PCCA: variants seen among roughly 807,000 people sequenced by gnomAD.
The protein encoded by PCCA is propionyl-CoA carboxylase alpha chain, mitochondrial.
Under a neutral mutation model 101.3 loss-of-function variants are expected in PCCA, and 74 were observed. That is an observed-to-expected ratio of 0.73 (90% CI 0.61 to 0.89). The LOEUF (loss-of-function observed/expected upper bound fraction) is 0.89, where lower values mean the gene tolerates loss of function less well. Ranked by LOEUF, PCCA falls within the 40% of genes least tolerant of loss-of-function variation. The probability of loss-of-function intolerance (pLI) is 0.00; values close to 1 mark genes in which losing one functional copy is unlikely to be tolerated. For missense variants in PCCA, 891 were observed against 907.0 expected, an observed-to-expected ratio of 0.98 and a Z score of 0.23; for synonymous variants, 294 against 313.6, an observed-to-expected ratio of 0.94 and a Z score of 0.66.
chr13:100,516,914 C>G (rs973819451), intron 22 of PCCA, among the ~76,000 whole-genome samples: 1 of 152,010 alleles, frequency 6.6e-6, no homozygotes, highest in Non-Finnish European at 1.5e-5. Context: ...TATGTAGGTT[C>G]GTAAACAATA....
chr13:100,290,874 A>G (rs2065066556), intron 12 of PCCA, among the ~76,000 whole-genome samples: 1 of 152,232 alleles, frequency 6.6e-6, no homozygotes, highest in African/African-American at 2.4e-5. Context: ...GTAACTGACT[A>G]AATTGTGCAA....
chr13:100,111,743 T>C (rs1156505633), intron 2 of PCCA, 98 bp from the exon 3 acceptor site: 16 of 731,480 alleles, frequency 2.2e-5, no homozygotes, highest in East Asian at 1.3e-4. Flanking sequence ...ATTAGGGTTA[T>C]ATTCAGTGTT....
chr13:100,162,051 C>A (rs999646154), intron 6 of PCCA, among the ~76,000 whole-genome samples: 1 of 151,344 alleles, frequency 6.6e-6, no homozygotes, highest in Non-Finnish European at 1.5e-5. Flanking sequence ...GAGGTCACCA[C>A]TGTTACCTTC....
intron 20 of PCCA, among the ~76,000 whole-genome samples, chr13:100,447,929 A>G (rs767293318): frequency 2.0e-5 from 3 of 152,220 alleles, no homozygotes; most frequent in Admixed American, 1.3e-4. Context: ...TTCTGTGATC[A>G]TAGAGATCAG....
chr13:100,300,509 A>T (rs2065982850), intron 12 of PCCA, among the ~76,000 whole-genome samples: 1 of 152,220 alleles, frequency 6.6e-6, no homozygotes, highest in Admixed American at 6.5e-5. Context: ...ACATGTCATG[A>T]TAAAGAAACT....
At chr13:100,509,636 GA>G (rs2086329064) in intron 21 of PCCA, among the ~76,000 whole-genome samples, 1 of 152,184 alleles carries the variant, frequency 6.6e-6, no homozygotes, top group Non-Finnish European at 1.5e-5. Flanking sequence ...GAAAAACAAG[GA>G]AGAATATCTC....
At chr13:100,256,469 C>T (rs989657700) in intron 8 of PCCA, among the ~76,000 whole-genome samples, 1 of 152,140 alleles carries the variant, frequency 6.6e-6, no homozygotes, top group African/African-American at 2.4e-5. Context: ...TATCTGTCTT[C>T]TCAGTGCACT....
chr13:100,331,934 A>ATTTTTTTT (rs34411352), intron 17 of PCCA, among the ~76,000 whole-genome samples: 3 of 89,768 alleles, frequency 3.3e-5, no homozygotes, highest in African/African-American at 4.6e-5. Context: ...ATTACTTTGG[A>ATTTTTTTT]TTTTTTTTTT....
intron 20 of PCCA, among the ~76,000 whole-genome samples, chr13:100,437,304 A>T (rs895105111): frequency 6.6e-6 from 1 of 152,158 alleles, no homozygotes; most frequent in African/African-American, 2.4e-5. Context: ...ATCATTGTGG[A>T]TAACTTTGAA....
chr13:100,297,134 A>G (rs1440406423), intron 12 of PCCA, among the ~76,000 whole-genome samples: 1 of 152,214 alleles, frequency 6.6e-6, no homozygotes, highest in Non-Finnish European at 1.5e-5. Flanking sequence ...TATGAGCACC[A>G]TGTTGGTAGC....
chr13:100,486,683 C>T (rs190642515), intron 21 of PCCA, among the ~76,000 whole-genome samples: 1 of 152,308 alleles, frequency 6.6e-6, no homozygotes, highest in East Asian at 1.9e-4. Flanking sequence ...GAGGCCAAGG[C>T]AGGATGATCA....
intron 7 of PCCA, among the ~76,000 whole-genome samples, chr13:100,234,487 A>C (rs555078333): frequency 3.0e-4 from 45 of 152,086 alleles, no homozygotes; most frequent in Non-Finnish European, 5.3e-4. Context: ...AAAAAAAAAA[A>C]AACAACTTAA....
At chr13:100,268,016 A>C (rs1403401915) in intron 10 of PCCA, among the ~76,000 whole-genome samples, 1 of 152,182 alleles carries the variant, frequency 6.6e-6, no homozygotes, top group Non-Finnish European at 1.5e-5. Flanking sequence ...ATTTGCATTT[A>C]TACCTGCTGG....
chr13:100,326,740 A>G (rs2068733342), intron 16 of PCCA, among the ~76,000 whole-genome samples: 1 of 152,006 alleles, frequency 6.6e-6, no homozygotes, highest in African/African-American at 2.4e-5. Context: ...ATGATGATCC[A>G]CTTCCACTTG....
chr13:100,338,534 GTTC>G (rs1166185319), intron 17 of PCCA, among the ~76,000 whole-genome samples: 7 of 152,090 alleles, frequency 4.6e-5, no homozygotes, highest in African/African-American at 1.4e-4. Flanking sequence ...TATGAGAACT[GTTC>G]TTCTCAACTG....
intron 12 of PCCA, among the ~76,000 whole-genome samples, chr13:100,292,108 C>G (rs1161753703): frequency 6.6e-6 from 1 of 152,130 alleles, no homozygotes; most frequent in Admixed American, 6.5e-5. Context: ...CTTCTCAGAG[C>G]AGGAATAGCT....
chr13:100,323,346 G>C lies in PCCA; in HGVS notation c.1430-7215G>C, dbSNP rs1257218551. ...TTTTTTTTGTTGTTTTTTTGAGACA[G>C]AGTCTCACTCTGTCACCCAGGCTGG... is the stretch of plus-strand genomic sequence containing the variant. On this transcript the variant is annotated intron_variant, in intron 16 of 23. Transcript: ENST00000376285. Among the ~76,000 whole-genome samples, 6 of 150,882 alleles carry C rather than the reference G, an allele frequency of 4.0e-5. No individual in the cohort carries two copies. In the South Asian group the frequency reaches 1.0e-3, roughly 26 times the overall value.
intron 21 of PCCA, among the ~76,000 whole-genome samples, chr13:100,476,225 T>C (rs1310306108): frequency 6.6e-6 from 1 of 152,212 alleles, no homozygotes; most frequent in African/African-American, 2.4e-5. Flanking sequence ...TGTTGTAAAA[T>C]TTTGAGATTT....
Position 100,097,524 on chromosome 13 carries a change from A to G in PCCA, c.106-5359A>G, listed in dbSNP as rs1007504639. Among the ~76,000 whole-genome samples the G allele has an allele frequency of 7.2e-5, 11 of 152,194 alleles. No individual in the cohort carries two copies. In the South Asian group the frequency reaches 1.9e-3, roughly 26 times the overall value. On this transcript the variant is annotated intron_variant, in intron 1 of 23. Transcript: ENST00000376285. ...CACCTGAGGTCGGGAGTTCGAGACC[A>G]GCCTGACCAACATGAAGAAACCCCA...
Sources: allele counts gnomAD v4.1 joint callset (sites outside exome capture counted in the v4.1 genomes callset), GRCh38; gene constraint gnomAD v4.1.1; transcripts MANE v1.5; gene names NCBI Gene and HGNC (gene_info 2026-07-23, HGNC 2026-07-21).